Variants in SORCS3 observed in about 807,000 individuals in gnomAD.
SORCS3 encodes VPS10 domain-containing receptor SorCS3.
A neutral mutation model predicts 146.3 loss-of-function variants in SORCS3; 57 were observed. The ratio of observed to expected loss-of-function variants is 0.39; its 90% confidence interval spans 0.31 to 0.49. The LOEUF (loss-of-function observed/expected upper bound fraction) is 0.49, where lower values mean the gene tolerates loss of function less well. Ranked by LOEUF, SORCS3 falls within the 20% of genes least tolerant of loss-of-function variation. The pLI is 0.92. For synonymous variants in SORCS3, 653 were observed against 618.5 expected, an observed-to-expected ratio of 1.06 and a Z score of -0.83; for missense variants, 1,341 against 1,575.5, an observed-to-expected ratio of 0.85 and a Z score of 2.52.
intron 23 of SORCS3, among the ~76,000 whole-genome samples, chr10:105,254,876 G>C (rs2056920973): frequency 6.6e-6 from 1 of 152,126 alleles, no homozygotes; most frequent in Admixed American, 6.5e-5. Context: ...TCCACATTTT[G>C]TTGAAAAAAT....
intron 2 of SORCS3, among the ~76,000 whole-genome samples, chr10:104,851,950 A>T (rs556905183): frequency 3.1e-4 from 47 of 152,186 alleles, no homozygotes; most frequent in Non-Finnish European, 5.4e-4. Flanking sequence ...CCTCCCTGTT[A>T]CACGTCTGTG....
chr10:104,914,177 A>G (rs2018999621), intron 2 of SORCS3, among the ~76,000 whole-genome samples: 1 of 152,150 alleles, frequency 6.6e-6, no homozygotes, highest in Non-Finnish European at 1.5e-5. Context: ...ATTTTGCTAC[A>G]CCCAAAATTC....
chr10:104,780,918 T>C (rs2017367224), intron 1 of SORCS3, among the ~76,000 whole-genome samples: 2 of 152,330 alleles, frequency 1.3e-5, no homozygotes, highest in Middle Eastern at 3.4e-3. Context: ...CTGTAGAATA[T>C]TGTTATTATT....
At chr10:104,807,241 A>G (rs977158498) in intron 1 of SORCS3, among the ~76,000 whole-genome samples, 1 of 152,104 alleles carries the variant, frequency 6.6e-6, no homozygotes, top group African/African-American at 2.4e-5. Flanking sequence ...GTGCGCATGC[A>G]CATGCATTTT....
intron 3 of SORCS3, among the ~76,000 whole-genome samples, chr10:104,961,751 AAGCTAGC>A (rs756568902): frequency 2.6e-5 from 4 of 152,134 alleles, no homozygotes; most frequent in Non-Finnish European, 5.9e-5. Context: ...TATTGAGATG[AAGCTAGC>A]TTCTCTGTCT....
In SORCS3 at chr10:105,247,749, AAGAAG is replaced by A. The variant is rs1390910625; in HGVS notation, c.3105+420_3105+424del. ...AGTGACAGAGCAAGATTCTGTCAAA[AAGAAG>A]AAGAAGAAGAAGAAGAAAAAGCAAG... On this transcript the variant is annotated intron_variant, in intron 22 of 26. Coordinates refer to ENST00000369701, the MANE Select transcript of SORCS3 (RefSeq NM_014978.3). Among the ~76,000 whole-genome samples the A allele has an allele frequency of 0.019, 4 of 208 alleles. No homozygotes were observed. In the East Asian group the frequency reaches 0.5, roughly 26 times the overall value. The allele number at this position is 208 out of a possible 152,430, so 0.1% of individuals were successfully genotyped here. A position where few individuals can be genotyped will look rare whatever the true frequency, so the allele number is the denominator to read the frequency against.
intron 2 of SORCS3, among the ~76,000 whole-genome samples, chr10:104,904,792 T>A (rs568292116): frequency 1.5e-4 from 23 of 152,012 alleles, no homozygotes; most frequent in South Asian, 4.2e-4. Flanking sequence ...CGTTATTATT[T>A]TTTTTTTAAT....
intron 4 of SORCS3, among the ~76,000 whole-genome samples, chr10:105,024,527 G>T (rs2055215435): frequency 6.6e-6 from 1 of 152,142 alleles, no homozygotes; most frequent in Non-Finnish European, 1.5e-5. Context: ...GAAGAGAATG[G>T]GGCAGGAGAA....
intron 2 of SORCS3, among the ~76,000 whole-genome samples, chr10:104,906,241 T>C (rs2018904049): frequency 6.6e-6 from 1 of 152,222 alleles, no homozygotes; most frequent in Admixed American, 6.5e-5. Context: ...GAAAACTTAG[T>C]GGAAAAGTTG....
intron 1 of SORCS3, among the ~76,000 whole-genome samples, chr10:104,741,871 C>T (rs1308330016): frequency 4.0e-5 from 6 of 151,682 alleles, no homozygotes; most frequent in Non-Finnish European, 8.8e-5. Flanking sequence ...CATAATTGCT[C>T]ATTGAGACAT....
chr10:105,053,024 G>T (rs566272785), intron 5 of SORCS3, among the ~76,000 whole-genome samples: 65 of 152,204 alleles, frequency 4.3e-4, no homozygotes, highest in African/African-American at 1.5e-3. Flanking sequence ...TGCCAGCATG[G>T]TTGGTTTCTG....
chr10:104,987,202 G>A (rs1188640283), intron 4 of SORCS3, among the ~76,000 whole-genome samples: 4 of 151,996 alleles, frequency 2.6e-5, no homozygotes, highest in South Asian at 2.1e-4. Context: ...AAGAAGGAAG[G>A]AATGAATGTA....
intron 1 of SORCS3, among the ~76,000 whole-genome samples, chr10:104,806,418 C>G (rs1289233521): frequency 6.6e-6 from 1 of 152,186 alleles, no homozygotes. Flanking sequence ...GTTGGGGTGA[C>G]ATGAGAGTAA....
intron 3 of SORCS3, among the ~76,000 whole-genome samples, chr10:104,969,869 C>G (rs2054849320): frequency 1.3e-5 from 2 of 152,016 alleles, no homozygotes; most frequent in Admixed American, 6.6e-5. Flanking sequence ...CATGTGTGCA[C>G]AGAAAGAAAC....
intron 4 of SORCS3, among the ~76,000 whole-genome samples, chr10:105,007,699 A>G (rs2055105482): frequency 6.6e-6 from 1 of 152,066 alleles, no homozygotes; most frequent in African/African-American, 2.4e-5. Context: ...CATGACATGA[A>G]CATTTATTGT....
chr10:104,718,597 C>T (rs1434747786), intron 1 of SORCS3, among the ~76,000 whole-genome samples: 1 of 152,094 alleles, frequency 6.6e-6, no homozygotes, highest in Non-Finnish European at 1.5e-5. Context: ...CCACTCTGAC[C>T]CTTCCCTATG....
intron 4 of SORCS3, among the ~76,000 whole-genome samples, chr10:104,989,191 G>A (rs1165755708): frequency 6.6e-6 from 1 of 152,198 alleles, no homozygotes. Context: ...ATTAAACGGA[G>A]TTTGTGCACT....
chr10:104,811,729 G>A lies in SORCS3; in HGVS notation c.628-31063G>A, dbSNP rs536444328. On this transcript the variant is annotated intron_variant, in intron 1 of 26. Coordinates refer to ENST00000369701, the MANE Select transcript of SORCS3 (RefSeq NM_014978.3). ...GTCAGAGACCAGAGGCTCATTTAGCGGAGCGGTGCAGGGCAGATGATGGTG... is the reference window on the plus strand; with the variant it reads ...GTCAGAGACCAGAGGCTCATTTAGCAGAGCGGTGCAGGGCAGATGATGGTG... 9.2e-5 allele frequency among the ~76,000 whole-genome samples: 14 copies of A among 152,302 alleles called. No homozygotes were observed. The South Asian group carries it at 2.1e-3, about 23-fold the overall frequency.
At chr10:105,142,922 T>A (rs1331768768) in intron 8 of SORCS3, among the ~76,000 whole-genome samples, 1 of 152,186 alleles carries the variant, frequency 6.6e-6, no homozygotes, top group Non-Finnish European at 1.5e-5. Flanking sequence ...AACAATGATA[T>A]TAACCTTTTG....
Sources: allele counts gnomAD v4.1 joint callset (sites outside exome capture counted in the v4.1 genomes callset), GRCh38; gene constraint gnomAD v4.1.1; transcripts MANE v1.5; gene names NCBI Gene and HGNC (gene_info 2026-07-23, HGNC 2026-07-21).